BICD1: variants seen among roughly 807,000 people sequenced by gnomAD.
BICD1 encodes protein bicaudal D homolog 1.
In BICD1, 35 loss-of-function variants were observed where a neutral mutation model predicts 92.5. The observed-to-expected ratio is 0.38, with a 90% confidence interval of 0.29 to 0.50. The LOEUF (loss-of-function observed/expected upper bound fraction) is 0.50, where lower values mean the gene tolerates loss of function less well. Among genes scored for constraint, BICD1 ranks in the 20% least tolerant of loss-of-function variants. The pLI is 0.93. For synonymous variants in BICD1, 429 were observed against 465.1 expected (o/e 0.92, Z 1.00); for missense variants, 950 against 1,189.8 (o/e 0.80, Z 2.97).
intron 2 of BICD1, among the ~76,000 whole-genome samples, chr12:32,221,332 G>T (rs1254800662): frequency 6.8e-6 from 1 of 146,842 alleles, no homozygotes; most frequent in African/African-American, 2.6e-5. Context: ...ATTAATAAAC[G>T]TTATCTGTAT....
At chr12:32,180,330 C>G (rs1229084044) in intron 1 of BICD1, among the ~76,000 whole-genome samples, 1 of 151,806 alleles carries the variant, frequency 6.6e-6, no homozygotes, top group Non-Finnish European at 1.5e-5. Context: ...CTTGAATGTC[C>G]TCTGGAAGAG....
At chr12:32,321,086 G>C (rs1282362691) in intron 4 of BICD1, among the ~76,000 whole-genome samples, 1 of 152,162 alleles carries the variant, frequency 6.6e-6, no homozygotes, top group Non-Finnish European at 1.5e-5. Context: ...AGCACTTTGG[G>C]AGGCCAAGGT....
intron 1 of BICD1, among the ~76,000 whole-genome samples, chr12:32,211,130 T>C (rs556497940): frequency 6.6e-6 from 1 of 152,356 alleles, no homozygotes; most frequent in Non-Finnish European, 1.5e-5. Context: ...GTGTTAGTTC[T>C]TAGTTCTCAG....
At chr12:32,260,493 G>A (rs1033271243) in intron 2 of BICD1, among the ~76,000 whole-genome samples, 3 of 152,040 alleles carry the variant, frequency 2.0e-5, no homozygotes, top group Admixed American at 1.3e-4. Flanking sequence ...CCAAGGACTC[G>A]CATGCATGTG....
intron 1 of BICD1, among the ~76,000 whole-genome samples, chr12:32,158,749 T>A (rs1943517072): frequency 6.6e-6 from 1 of 152,176 alleles, no homozygotes; most frequent in African/African-American, 2.4e-5. Flanking sequence ...AGTGTGAAAT[T>A]TACATTCCCA....
chr12:32,247,352 A>T (rs1047925991), intron 2 of BICD1, among the ~76,000 whole-genome samples: 1 of 152,176 alleles, frequency 6.6e-6, no homozygotes, highest in African/African-American at 2.4e-5. Context: ...TTTGGGAGTC[A>T]TCAGTGAATA....
chr12:32,263,956 A>C (rs1349502415), intron 2 of BICD1, among the ~76,000 whole-genome samples: 3 of 152,184 alleles, frequency 2.0e-5, no homozygotes, highest in Non-Finnish European at 4.4e-5. Flanking sequence ...ACCACAAAAC[A>C]TCTGCAAGTA....
At chr12:32,116,634 C>T (rs1280791898) in intron 1 of BICD1, among the ~76,000 whole-genome samples, 1 of 151,754 alleles carries the variant, frequency 6.6e-6, no homozygotes, top group Non-Finnish European at 1.5e-5. Flanking sequence ...ATCCTCCCAC[C>T]TCAGCCTCCA....
intron 1 of BICD1, among the ~76,000 whole-genome samples, chr12:32,194,823 G>A (rs952842957): frequency 3.3e-5 from 5 of 151,956 alleles, no homozygotes; most frequent in Admixed American, 6.6e-5. Flanking sequence ...TGGACGTTGC[G>A]GTGAGCCGAG....
intron 1 of BICD1, among the ~76,000 whole-genome samples, chr12:32,170,570 T>C (rs1943906668): frequency 6.6e-6 from 1 of 152,244 alleles, no homozygotes; most frequent in African/African-American, 2.4e-5. Context: ...CTAGATTCTA[T>C]GTCCTCAGCA....
intron 2 of BICD1, among the ~76,000 whole-genome samples, chr12:32,237,122 T>C (rs113293062): frequency 0.13 from 18,999 of 151,824 alleles, 1,971 homozygotes; most frequent in African/African-American, 0.28. Context: ...CCTTGTGATC[T>C]GCCCGCCTCG....
At chr12:32,259,048 A>G (rs918545174) in intron 2 of BICD1, among the ~76,000 whole-genome samples, 6 of 152,120 alleles carry the variant, frequency 3.9e-5, no homozygotes, top group Non-Finnish European at 5.9e-5. Flanking sequence ...AGGCACTGGC[A>G]TTACCGCTTG....
chr12:32,326,795 A>G (rs1379720486), intron 4 of BICD1, among the ~76,000 whole-genome samples: 1 of 152,200 alleles, frequency 6.6e-6, no homozygotes, highest in African/African-American at 2.4e-5. Flanking sequence ...AGGTGGAAGG[A>G]TCACTTGAGC....
chr12:32,222,916 A>G (rs1335113969), intron 2 of BICD1, among the ~76,000 whole-genome samples: 1 of 152,196 alleles, frequency 6.6e-6, no homozygotes, highest in Non-Finnish European at 1.5e-5. Flanking sequence ...TTAATCTTAG[A>G]TCTTCAGCCT....
chr12:32,327,554 C>A lies in BICD1; in HGVS notation c.1099C>A (p.Arg367=), dbSNP rs148689974. The change falls in exon 5 of 10, where the codon CGG becomes AGG. Residue 367 remains arginine, a synonymous_variant. Transcript: ENST00000652176. ...GGGGGCACTGACGGAGCAGCATGAG[C>A]GGGTGCACCGGCTCACAGAGCACGT... ...TKGALTEQHE[R]VHRLTEHVNA... 1 of 1,613,988 alleles carries A rather than the reference C, an allele frequency of 6.2e-7. No individual in the cohort carries two copies. The highest frequency in any genetic ancestry group is 8.5e-7 in the Non-Finnish European group (1 of 1,180,028).
chr12:32,337,862 T>C lies in BICD1; in HGVS notation c.2570+46T>C, dbSNP rs779956160. 1.3e-6 allele frequency: 2 copies of C among 1,577,056 alleles called. No individual in the cohort carries two copies. The highest frequency in any genetic ancestry group is 2.3e-5 in the East Asian group (1 of 44,324). ...ATAGTACGGTGCAGTGGCCAGATTTTAGTTAACTGCAAAAATAAATGTGCT... is the reference window on the plus strand; with the variant it reads ...ATAGTACGGTGCAGTGGCCAGATTTCAGTTAACTGCAAAAATAAATGTGCT... On this transcript the variant is annotated intron_variant, in intron 7 of 9. Coordinates refer to ENST00000652176, the MANE Select transcript of BICD1 (RefSeq NM_001714.4). This position sits in a 1 kb window ranked among gnomAD's most constrained non-coding sequence, Gnocchi z 4.7.
intron 4 of BICD1, among the ~76,000 whole-genome samples, chr12:32,316,325 C>T (rs143223641): frequency 0.062 from 9,343 of 150,670 alleles, 409 homozygotes; most frequent in Middle Eastern, 0.13. Context: ...GAGTCTCACT[C>T]TGTTGCTCAG....
At chr12:32,215,297 G>A (rs990500429) in intron 1 of BICD1, among the ~76,000 whole-genome samples, 4 of 152,106 alleles carry the variant, frequency 2.6e-5, no homozygotes, top group Admixed American at 1.3e-4. Flanking sequence ...CTTCTGTCAC[G>A]TTTCAGTCTC....
chr12:32,252,088 A>AAATATTATATAT lies in BICD1; in HGVS notation c.426+35629_426+35630insAATATTATATAT, dbSNP rs1284091259. ...ATATATTTATAATATATATTTATAA[A>AAATATTATATAT]TATATATTTATAATAAATATTATAT... On this transcript the variant is annotated intron_variant, in intron 2 of 9. Transcript: ENST00000652176. Among the ~76,000 whole-genome samples the AAATATTATATAT allele has an allele frequency of 1.6e-4, 4 of 25,576 alleles. 1 individual carries two copies. The highest frequency in any genetic ancestry group is 1.1e-3 in the African/African-American group (4 of 3,800). 16.8% of individuals were successfully genotyped at this position (25,576 alleles called of 152,430 possible).
Sources: allele counts gnomAD v4.1 joint callset (sites outside exome capture counted in the v4.1 genomes callset), GRCh38; gene constraint gnomAD v4.1.1; non-coding constraint Gnocchi (gnomAD v3.1); transcripts MANE v1.5; gene names NCBI Gene and HGNC (gene_info 2026-07-23, HGNC 2026-07-21).